The following PLCG2 variants were observed in gnomAD, a reference collection of about 807,000 sequenced individuals.
PLCG2 encodes phospholipase C gamma 2.
A neutral mutation model predicts 175.6 loss-of-function variants in PLCG2; 69 were observed. That is an observed-to-expected ratio of 0.39 (90% confidence interval 0.32 to 0.48). PLCG2 has a LOEUF of 0.48. Among genes scored for constraint, PLCG2 ranks in the 20% least tolerant of loss-of-function variants. PLCG2 has a pLI of 0.91. For synonymous variants in PLCG2, 827 were observed against 624.0 expected (o/e 1.33, Z -4.85); for missense variants, 1,798 against 1,650.9 (o/e 1.09, Z -1.54).
chr16:81,827,190 G>GTTTTTTTTTTTTTTTT lies in PLCG2; in HGVS notation c.194-27241_194-27240insTTTTTTTTTTTTTTTT, dbSNP rs368220809. Among the ~76,000 whole-genome samples the GTTTTTTTTTTTTTTTT allele has an allele frequency of 8.4e-4, 121 of 144,030 alleles. 2 individuals are homozygous for GTTTTTTTTTTTTTTTT. The highest frequency in any genetic ancestry group is 2.2e-3 in the African/African-American group (86 of 38,778). 94.5% of individuals were successfully genotyped at this position (144,030 alleles called of 152,430 possible). ...CTCATACATTATAGAGGATTGCTGGGTTTTTTTTTTTTTGGGGACAGGGTC... is the reference window on the plus strand; with the variant it reads ...CTCATACATTATAGAGGATTGCTGGGTTTTTTTTTTTTTTTTTTTTTTTTTTTTTGGGGACAGGGTC... On this transcript the variant is annotated intron_variant, in intron 2 of 32. Coordinates refer to ENST00000564138, the MANE Select transcript of PLCG2 (RefSeq NM_002661.5).
At chr16:81,823,469 T>G (rs1042701096) in intron 2 of PLCG2, among the ~76,000 whole-genome samples, 1 of 152,216 alleles carries the variant, frequency 6.6e-6, no homozygotes, top group Non-Finnish European at 1.5e-5. Flanking sequence ...ATCTCTGAAG[T>G]GAGCCCCTTC....
intron 1 of PLCG2, chr16:81,740,429 G>C (rs542556358): frequency 9.9e-5 from 15 of 152,100 alleles, no homozygotes; most frequent in African/African-American, 3.1e-4. Flanking sequence ...CTGGCGTGCA[G>C]AGGCTCTGGG....
At chr16:81,942,923 T>A (rs11646370) in intron 30 of PLCG2, among the ~76,000 whole-genome samples, 38,245 of 151,170 alleles carry the variant, frequency 0.25, 5,082 homozygotes, top group African/African-American at 0.34. Flanking sequence ...CAATTATTTT[T>A]TTTTTTTTTA....
chr16:81,889,028 G>T, intron 9 of PLCG2, 144 bp from the exon 10 acceptor site: 2 of 585,560 alleles, frequency 3.4e-6, no homozygotes, highest in Non-Finnish European at 6.3e-6. Context: ...GCAGAATGAG[G>T]CCTCAACATG....
At chr16:81,941,563 ATTT>A (rs35288622) in intron 30 of PLCG2, among the ~76,000 whole-genome samples, 7 of 144,660 alleles carry the variant, frequency 4.8e-5, no homozygotes, top group African/African-American at 1.0e-4. Context: ...AAAGTTTCTG[ATTT>A]TTTTTTTTTT....
chr16:81,913,843 C>G (rs1339916275), intron 19 of PLCG2, among the ~76,000 whole-genome samples: 2 of 152,196 alleles, frequency 1.3e-5, no homozygotes, highest in Non-Finnish European at 1.5e-5. Context: ...ATTTCCCTTC[C>G]TCCTTGCCTG....
chr16:81,895,801 C>T lies in PLCG2; in HGVS notation c.1073-6C>T. ...GGTATTGAGGCTGCCGCGTTTCTCCCTGTAGTGGACTGCTGGGACGGGCCC... is the reference window on the plus strand; with the variant it reads ...GGTATTGAGGCTGCCGCGTTTCTCCTTGTAGTGGACTGCTGGGACGGGCCC... On this transcript the variant is annotated splice_polypyrimidine_tract_variant and splice_region_variant and intron_variant, in intron 12 of 32. Coordinates refer to ENST00000564138, the MANE Select transcript of PLCG2 (RefSeq NM_002661.5). 2.5e-6 allele frequency: 4 copies of T among 1,614,062 alleles called. No individual in the cohort carries two copies. Among genetic ancestry groups the T allele is most frequent in the Non-Finnish European group, 3.4e-6 (4 of 1,179,992 alleles).
intron 2 of PLCG2, among the ~76,000 whole-genome samples, chr16:81,758,596 A>G (rs1052793411): frequency 8.5e-5 from 13 of 152,114 alleles, no homozygotes; most frequent in Admixed American, 6.6e-4. Context: ...CAGCAGCTGC[A>G]ACATTTACTA....
intron 1 of PLCG2, among the ~76,000 whole-genome samples, chr16:81,745,699 A>T (rs975739647): frequency 6.6e-6 from 1 of 152,212 alleles, no homozygotes; most frequent in African/African-American, 2.4e-5. Flanking sequence ...TAGAATGCCA[A>T]TGTTTCGCAT....
chr16:81,769,165 A>G (rs1014772660), intron 2 of PLCG2, among the ~76,000 whole-genome samples: 6 of 152,246 alleles, frequency 3.9e-5, no homozygotes, highest in African/African-American at 1.4e-4. Context: ...CTCCCCCACA[A>G]AGGAACTCAC....
At chr16:81,894,871 T>TCAAAGGAAAAAAACC (rs1225918044) in intron 12 of PLCG2, among the ~76,000 whole-genome samples, 1 of 151,154 alleles carries the variant, frequency 6.6e-6, no homozygotes, top group African/African-American at 2.4e-5. Flanking sequence ...AGACTTTGTC[T>TCAAAGGAAAAAAACC]CAAAAAAATA....
At chr16:81,751,451 T>C (rs1909810800) in intron 1 of PLCG2, among the ~76,000 whole-genome samples, 5 of 152,208 alleles carry the variant, frequency 3.3e-5, no homozygotes, top group Admixed American at 3.3e-4. Flanking sequence ...GAGAGTAGAA[T>C]GGTGGTTACA....
rs543411628 is a variant in PLCG2 at position 81,902,922 on chromosome 16, T to C, written c.1362+2142T>C. On this transcript the variant is annotated intron_variant, in intron 14 of 32. Coordinates refer to ENST00000564138, the MANE Select transcript of PLCG2 (RefSeq NM_002661.5). ...ATTTATAAAACCAGATCTCATGAGA[T>C]GTGTTCACTATCACAAGAACAGCAC... Among the ~76,000 whole-genome samples, 55 of 152,264 alleles carry C rather than the reference T, an allele frequency of 3.6e-4. No homozygotes were observed. The South Asian group carries it at 0.011, about 32-fold the overall frequency.
chr16:81,874,147 A>G (rs7184247), intron 7 of PLCG2, among the ~76,000 whole-genome samples: 66,237 of 152,068 alleles, frequency 0.44, 15,886 homozygotes, highest in Non-Finnish European at 0.53. Flanking sequence ...AATTGCCTAC[A>G]TTTAAAACTT....
intron 22 of PLCG2, among the ~76,000 whole-genome samples, chr16:81,925,565 A>G (rs62044884): frequency 0.031 from 4,793 of 152,228 alleles, 101 homozygotes; most frequent in Non-Finnish European, 0.047. Flanking sequence ...AGTTCTTCCC[A>G]CCACCACGGA....
At chr16:81,793,886 C>T (rs1911349296) in intron 2 of PLCG2, among the ~76,000 whole-genome samples, 1 of 152,178 alleles carries the variant, frequency 6.6e-6, no homozygotes, top group Admixed American at 6.5e-5. Flanking sequence ...ACAATTTGAA[C>T]TTGTTCTTCC....
intron 9 of PLCG2, among the ~76,000 whole-genome samples, chr16:81,884,848 C>T (rs988091741): frequency 1.3e-5 from 2 of 152,076 alleles, no homozygotes; most frequent in South Asian, 2.1e-4. Flanking sequence ...TGAACCACCA[C>T]GTATCATCAC....
rs116662042 is a variant in PLCG2, at chr16:81,833,322, C to T, written c.194-21122C>T. The stretch of plus-strand genomic sequence containing the variant: ...CTTCTGGAGGACTGGGGCCTTCTTT[C>T]GCAATCTGTCCACACCCCCAGGGTC... On this transcript the variant is annotated intron_variant, in intron 2 of 32. Coordinates refer to ENST00000564138, the MANE Select transcript of PLCG2 (RefSeq NM_002661.5). Among the ~76,000 whole-genome samples the T allele has an allele frequency of 5.5e-3, 830 of 152,176 alleles. 7 individuals are homozygous for T. The highest frequency in any genetic ancestry group is 0.019 in the African/African-American group (785 of 41,486).
intron 2 of PLCG2, among the ~76,000 whole-genome samples, chr16:81,841,732 G>C (rs1032631773): frequency 6.6e-6 from 1 of 152,134 alleles, no homozygotes; most frequent in African/African-American, 2.4e-5. Context: ...CTGCTCTACC[G>C]TGTGTGCCTC....
Sources: gnomAD v4.1 joint callset for allele counts (sites outside exome capture counted in the v4.1 genomes callset) on GRCh38, gnomAD v4.1.1 for gene constraint, MANE v1.5 for transcripts, NCBI Gene and HGNC (gene_info 2026-07-23, HGNC 2026-07-21) for gene names.